ITGAD: variants seen among roughly 807,000 people sequenced by gnomAD.
The protein encoded by ITGAD is integrin alpha-D.
A neutral mutation model predicts 139.0 loss-of-function variants in ITGAD; 105 were observed. That is an observed-to-expected ratio of 0.76 (90% CI 0.65 to 0.89). The LOEUF (loss-of-function observed/expected upper bound fraction) is 0.89. Ranked by LOEUF, ITGAD falls within the 40% of genes least tolerant of loss-of-function variation. The probability of loss-of-function intolerance (pLI) is 0.00; values close to 1 mark genes in which losing one functional copy is unlikely to be tolerated. For synonymous variants in ITGAD, 569 were observed against 598.3 expected (o/e 0.95, Z 0.71); for missense variants, 1,384 against 1,487.3 (o/e 0.93, Z 1.14).
chr16:31,414,810 G>A (rs113509238), intron 17 of ITGAD, 50 bp from the exon 18 acceptor site: 26,762 of 1,600,260 alleles, frequency 0.017, 276 homozygotes, highest in Non-Finnish European at 0.021. Context: ...GAGGACTTGT[G>A]GTGGAGCGTA....
In ITGAD at chr16:31,407,519, C is replaced by A. The variant is rs1351235715; in HGVS notation, c.709C>A (p.Gln237Lys). ...TATGILTVVT[Q>K]LFHHKNGARK... Reference sequence around the variant, plus strand: ...TCTTCCTTTCCTCCCCGACAGGACACAGCTATTTCATCATAAGAATGGGGC... The same window carrying A: ...TCTTCCTTTCCTCCCCGACAGGACAAAGCTATTTCATCATAAGAATGGGGC... Residue 237 changes from glutamine to lysine, a missense_variant, in exon 8 of 30, where the codon CAG becomes AAG. Gln to Lys is a moderately conservative substitution (Grantham distance 53). Coordinates refer to ENST00000389202, the MANE Select transcript of ITGAD (RefSeq NM_005353.3). 2.5e-6 allele frequency: 4 copies of A among 1,587,478 alleles called. No individual in the cohort carries two copies. Among genetic ancestry groups the A allele is most frequent in the Non-Finnish European group, 3.4e-6 (4 of 1,165,676 alleles).
At chr16:31,406,015 T>C (rs1046606202) in intron 7 of ITGAD, among the ~76,000 whole-genome samples, 7 of 152,166 alleles carry the variant, frequency 4.6e-5, no homozygotes, top group African/African-American at 1.7e-4. Flanking sequence ...ATTTGACACC[T>C]GTGTGTATTT....
In ITGAD at chr16:31,424,032, C is replaced by T. The variant is rs879047498; in HGVS notation, c.3160-70C>T. Reference sequence around the variant, plus strand: ...TGGCATGTCTGTGCCCATCTGCAAGCCAGGGCACCCCCGAAGCTCTGAGCC... The same window carrying T: ...TGGCATGTCTGTGCCCATCTGCAAGTCAGGGCACCCCCGAAGCTCTGAGCC... On this transcript the variant is annotated intron_variant, in intron 27 of 29. Transcript: ENST00000389202. The T allele has an allele frequency of 1.0e-5, 16 of 1,603,832 alleles. 1 individual carries two copies. Among genetic ancestry groups the T allele is most frequent in the Middle Eastern group, 1.7e-4 (1 of 6,024 alleles).
At chr16:31,399,809 G>A (rs1047134510) in intron 5 of ITGAD, among the ~76,000 whole-genome samples, 1 of 152,040 alleles carries the variant, frequency 6.6e-6, no homozygotes. Flanking sequence ...GTGCCAAGCA[G>A]TGCTGAATAC....
chr16:31,420,024 T>A (rs989602462), intron 23 of ITGAD, among the ~76,000 whole-genome samples: 7 of 152,242 alleles, frequency 4.6e-5, no homozygotes, highest in Non-Finnish European at 7.3e-5. Flanking sequence ...CTTCCTTTTT[T>A]AACATGAAAC....
In ITGAD at chr16:31,414,938, C is replaced by A. The variant is rs147528125; in HGVS notation, c.2230C>A (p.Gln744Lys). The change falls in exon 18 of 30, where the codon CAG (glutamine) becomes AAG (lysine). Residue 744 changes from glutamine to lysine, a missense_variant. Gln to Lys is a moderately conservative substitution (Grantham distance 53). Transcript: ENST00000389202. ...GGTGAGAGAGCCCATCCCCTCCCCCCAGAACCTGCGTCCTGTGCTGGCCGT... is the reference window on the plus strand; with the variant it reads ...GGTGAGAGAGCCCATCCCCTCCCCCAAGAACCTGCGTCCTGTGCTGGCCGT... The part of the protein sequence containing the change: ...SLVREPIPSP[Q>K]NLRPVLAVGS... 3.3e-4 allele frequency: 536 copies of A among 1,614,168 alleles called. 4 individuals are homozygous for A. In the East Asian group the frequency reaches 9.8e-3, roughly 29 times the overall value.
Position 31,418,520 on chromosome 16 carries a change from G to A in ITGAD, c.2736G>A (p.Gln912=). The change falls in exon 23 of 30, where the codon CAG becomes CAA. Residue 912 remains glutamine, a synonymous_variant. Coordinates refer to ENST00000389202, the MANE Select transcript of ITGAD (RefSeq NM_005353.3). ...CTTCAAGCAGCAAGGCCACCTTCCA[G>A]CTGGAGCTCCCGGTGAAGTATGCAG... ...NKASSSKATF[Q]LELPVKYAVY... is the part of the protein sequence containing the mutation. 1 of 1,614,078 alleles carries A rather than the reference G, an allele frequency of 6.2e-7. No homozygotes were observed. Among genetic ancestry groups the A allele is most frequent in the Non-Finnish European group, 8.5e-7 (1 of 1,180,016 alleles).
At position 31,423,376 on chromosome 16, in the gene ITGAD, C is replaced by A. The variant is rs776912621; in HGVS notation, c.2884C>A (p.Leu962Met). ...GGTGAATAACCTCAGCCAGCGAGAT[C>A]TGGCCATCAGCATTAACTTCTGGGT... ...YRVNNLSQRD[L>M]AISINFWVPV... Residue 962 changes from leucine to methionine, a missense_variant, in exon 25 of 30, where the codon CTG becomes ATG. Coordinates refer to ENST00000389202, the MANE Select transcript of ITGAD (RefSeq NM_005353.3). 2 of 1,614,128 alleles carry A rather than the reference C, an allele frequency of 1.2e-6. No homozygotes were observed. Among genetic ancestry groups the A allele is most frequent in the South Asian group, 1.1e-5 (1 of 91,078 alleles).
chr16:31,424,342 G>C, intron 28 of ITGAD, 125 bp from the exon 29 acceptor site: 1 of 1,248,418 alleles, frequency 8.0e-7, no homozygotes, highest in Non-Finnish European at 1.2e-6. Flanking sequence ...CTAAGGGCAC[G>C]GGTGCTACTG....
rs780465303 is a variant in ITGAD at position 31,418,358 on chromosome 16, C to G, written c.2674C>G (p.Leu892Val). 23 of 1,613,950 alleles carry G rather than the reference C, an allele frequency of 1.4e-5. No homozygotes were observed. Among genetic ancestry groups the G allele is most frequent in the African/African-American group, 4.0e-5 (3 of 74,906 alleles). ...SYKATLGDRM[L>V]MRASASSENN... ...CAAGGCCACCCTGGGAGACAGGATG[C>G]TTATGAGGGCCAGTGCAAGCAGGTG... is the stretch of plus-strand genomic sequence containing the variant. Residue 892 changes from leucine to valine, a missense_variant, in exon 22 of 30, where the codon CTT becomes GTT. Coordinates refer to ENST00000389202, the MANE Select transcript of ITGAD (RefSeq NM_005353.3).
intron 14 of ITGAD, among the ~76,000 whole-genome samples, chr16:31,412,074 TTTC>T (rs1347230607): frequency 6.6e-6 from 1 of 151,052 alleles, no homozygotes. Context: ...GCTTTTTTTT[TTTC>T]TTTTTTTTTT....
At chr16:31,401,506 G>T (rs2081403848) in intron 5 of ITGAD, among the ~76,000 whole-genome samples, 1 of 152,130 alleles carries the variant, frequency 6.6e-6, no homozygotes, top group Non-Finnish European at 1.5e-5. Context: ...GTCTGGGGTG[G>T]ATCCCTGCCC....
intron 23 of ITGAD, among the ~76,000 whole-genome samples, chr16:31,421,399 G>A (rs535916524): frequency 1.1e-3 from 168 of 151,308 alleles, no homozygotes; most frequent in African/African-American, 3.7e-3. Context: ...ATGAGTGGGA[G>A]GATGGCTTGA....
chr16:31,418,042 G>A (rs2081932631), intron 20 of ITGAD, 33 bp from the exon 21 acceptor site: 11 of 1,565,844 alleles, frequency 7.0e-6, no homozygotes, highest in Non-Finnish European at 9.7e-6. Context: ...CATGCATGCG[G>A]GTAACTTCTT....
chr16:31,412,116 C>T (rs1009393099), intron 14 of ITGAD, among the ~76,000 whole-genome samples: 1 of 151,042 alleles, frequency 6.6e-6, no homozygotes, highest in Non-Finnish European at 1.5e-5. Context: ...GTCGCCCAGG[C>T]TGGAGTGCAG....
chr16:31,396,156 T>A lies in ITGAD; in HGVS notation c.138-1203T>A, dbSNP rs144560398. On this transcript the variant is annotated intron_variant, in intron 2 of 29. Coordinates refer to ENST00000389202, the MANE Select transcript of ITGAD (RefSeq NM_005353.3). ...CTGGTCAGACTTCTGTCACCATCAG[T>A]TTTTTGGGCCACATTTTAAAAAAAG... is the stretch of plus-strand genomic sequence containing the variant. Among the ~76,000 whole-genome samples the A allele has an allele frequency of 1.9e-3, 293 of 152,100 alleles. 1 individual carries two copies. Among genetic ancestry groups the A allele is most frequent in the South Asian group, 0.011 (53 of 4,812 alleles).
intron 23 of ITGAD, among the ~76,000 whole-genome samples, chr16:31,420,609 T>C (rs185872334): frequency 5.3e-5 from 8 of 151,316 alleles, no homozygotes; most frequent in Non-Finnish European, 1.0e-4. Flanking sequence ...AGTTTCACTC[T>C]TGTTGCCCAG....
chr16:31,416,796 A>G (rs2081900157), intron 20 of ITGAD, 150 bp downstream of exon 20: 1 of 727,378 alleles, frequency 1.4e-6, no homozygotes, highest in South Asian at 2.1e-5. Context: ...GAGAAAGTGC[A>G]TAAAGCATAC....
At chr16:31,408,330 G>T in intron 9 of ITGAD, 95 bp from the exon 10 acceptor site, 1 of 1,092,790 alleles carries the variant, frequency 9.2e-7, no homozygotes, top group Non-Finnish European at 1.4e-6. Flanking sequence ...ATTGCTGTCT[G>T]GAACCCAAGC....
Sources: allele counts gnomAD v4.1 joint callset (sites outside exome capture counted in the v4.1 genomes callset), GRCh38; gene constraint gnomAD v4.1.1; transcripts MANE v1.5; gene names NCBI Gene and HGNC (gene_info 2026-07-23, HGNC 2026-07-21).